The following CLCA4 variants were observed in gnomAD, a reference collection of about 807,000 sequenced individuals.
CLCA4 encodes the protein calcium-activated chloride channel regulator 4.
In CLCA4, 69 loss-of-function variants were observed where a neutral mutation model predicts 78.9. That is an observed-to-expected ratio of 0.87 (90% CI 0.72 to 1.07). The LOEUF is 1.07. Among genes scored for constraint, CLCA4 ranks in the 50% least tolerant of loss-of-function variants. CLCA4 has a pLI of 0.00. For synonymous variants in CLCA4, 362 were observed against 375.8 expected (o/e 0.96, Z 0.42); for missense variants, 1,133 against 1,095.8 (o/e 1.03, Z -0.48).
rs759759932 is a variant in CLCA4, at chr1:86,559,913, T to C, written c.160-19T>C. 10 of 1,574,486 alleles carry C rather than the reference T, an allele frequency of 6.4e-6. No homozygotes were observed. The South Asian group carries it at 1.2e-4, about 19-fold the overall frequency. On this transcript the variant is annotated intron_variant, in intron 1 of 13. Coordinates refer to ENST00000370563, the MANE Select transcript of CLCA4 (RefSeq NM_012128.4). Reference sequence around the variant, plus strand: ...ACTCTAACTTCACCATCCTCACATATTTTTTCCTTTAATGACAGGATATGG... The same window carrying C: ...ACTCTAACTTCACCATCCTCACATACTTTTTCCTTTAATGACAGGATATGG...
In CLCA4 at chr1:86,560,352, C is replaced by T. The variant is rs914179200; in HGVS notation, c.442C>T (p.Pro148Ser). 6 of 1,613,040 alleles carry T rather than the reference C, an allele frequency of 3.7e-6. No homozygotes were observed. Among genetic ancestry groups the T allele is most frequent in the Admixed American group, 1.7e-5 (1 of 59,776 alleles). ...LLGKKQNEYGPPGKLFVHEWA... is the reference protein window; with the variant it reads ...LLGKKQNEYGSPGKLFVHEWA... ...TGGAAAAAAACAAAATGAATATGGA[C>T]CACCAGGTAGAAATTTTGGTTAAAA... The change falls in exon 3 of 14, where the codon CCA (proline) becomes TCA (serine). Residue 148 changes from proline to serine, a missense_variant. Pro to Ser is a moderately conservative substitution (Grantham distance 74). Coordinates refer to ENST00000370563, the MANE Select transcript of CLCA4 (RefSeq NM_012128.4).
chr1:86,571,191 G>A lies in CLCA4; in HGVS notation c.1297G>A (p.Val433Ile). Reference sequence around the variant, plus strand: ...TGAAGTGAAACAAAGTGGGGCCATTGTTCATTTTATTGCTTTGGGAAGAGC... The same window carrying A: ...TGAAGTGAAACAAAGTGGGGCCATTATTCATTTTATTGCTTTGGGAAGAGC... ...IDEVKQSGAI[V>I]HFIALGRAAD... Residue 433 changes from valine to isoleucine, a missense_variant, in exon 8 of 14, where the codon GTT (valine) becomes ATT (isoleucine). Physicochemically the swap from Val to Ile is conservative, Grantham distance 29 (BLOSUM62 3). Coordinates refer to ENST00000370563, the MANE Select transcript of CLCA4 (RefSeq NM_012128.4). The A allele has an allele frequency of 1.2e-6, 2 of 1,613,016 alleles. No individual in the cohort carries two copies. The highest frequency in any genetic ancestry group is 1.3e-5 in the African/African-American group (1 of 74,984).
At chr1:86,555,181 C>G (rs1331703896) in intron 1 of CLCA4, among the ~76,000 whole-genome samples, 1 of 151,960 alleles carries the variant, frequency 6.6e-6, no homozygotes, top group South Asian at 2.1e-4. Flanking sequence ...GTTGATAGTT[C>G]CTTTTGCTGT....
chr1:86,578,474 G>A (rs868139854), intron 12 of CLCA4, among the ~76,000 whole-genome samples: 10 of 151,882 alleles, frequency 6.6e-5, no homozygotes, highest in African/African-American at 2.4e-4. Flanking sequence ...CCCTCAAGTA[G>A]GCCCTAGTGC....
chr1:86,572,129 A>C (rs1650366672), intron 8 of CLCA4, among the ~76,000 whole-genome samples: 1 of 151,978 alleles, frequency 6.6e-6, no homozygotes, highest in Non-Finnish European at 1.5e-5. Flanking sequence ...GAATACCTAA[A>C]TATAGCAGCT....
In CLCA4 at chr1:86,580,448, G is replaced by A. The variant is rs961029085; in HGVS notation, c.*103G>A. The A allele has an allele frequency of 6.4e-5, 57 of 891,368 alleles. No individual in the cohort carries two copies. The highest frequency in any genetic ancestry group is 3.6e-4 in the East Asian group (13 of 36,148). 55.2% of individuals were successfully genotyped at this position (891,368 alleles called of 1,614,324 possible). A position where few individuals can be genotyped will look rare whatever the true frequency, so the allele number is the denominator to read the frequency against. On this transcript the variant is annotated 3_prime_UTR_variant, in exon 14 of 14. Transcript: ENST00000370563. Reference sequence around the variant, plus strand: ...TTCTGAATCTTAAAATTCATCCCATGTGTGATCATAAACTCATAAAAATAA... The same window carrying A: ...TTCTGAATCTTAAAATTCATCCCATATGTGATCATAAACTCATAAAAATAA...
chr1:86,579,994 T>C lies in CLCA4; in HGVS notation c.2409T>C (p.Ser803=). The change falls in exon 14 of 14, where the codon AGT becomes AGC. Residue 803 remains serine (S), a synonymous_variant. Transcript: ENST00000370563. ...CAAGTATTCTTGATCTAAGAGACAG[T>C]TTTGATGATGCTCTTCAAGTAAATA... ...ISASILDLRD[S]FDDALQVNTT... is the part of the protein sequence containing the mutation. 2 of 1,607,134 alleles carry C rather than the reference T, an allele frequency of 1.2e-6. No homozygotes were observed. Among genetic ancestry groups the C allele is most frequent in the South Asian group, 2.2e-5 (2 of 90,256 alleles).
At chr1:86,568,934 G>T (rs150101121) in intron 7 of CLCA4, among the ~76,000 whole-genome samples, 1,855 of 152,070 alleles carry the variant, frequency 0.012, 23 homozygotes, top group Middle Eastern at 0.044. Flanking sequence ...TATCAGGTTT[G>T]TGACCCTAAA....
intron 5 of CLCA4, 24 bp from the exon 6 acceptor site, chr1:86,565,777 AT>A: frequency 7.4e-7 from 1 of 1,342,476 alleles, no homozygotes; most frequent in East Asian, 2.6e-5. Context: ...TATTAAAATT[AT>A]TTTTTATTTT....
intron 1 of CLCA4, among the ~76,000 whole-genome samples, chr1:86,554,017 G>T (rs1274932517): frequency 6.6e-6 from 1 of 152,096 alleles, no homozygotes; most frequent in Non-Finnish European, 1.5e-5. Context: ...GGGTTCAGGG[G>T]TACATGTGAA....
chr1:86,559,294 T>A (rs1198191311), intron 1 of CLCA4, among the ~76,000 whole-genome samples: 1 of 152,166 alleles, frequency 6.6e-6, no homozygotes, highest in Non-Finnish European at 1.5e-5. Context: ...TATGGGTTTT[T>A]TTTCATCACA....
At chr1:86,570,539 C>T (rs1650319822) in intron 7 of CLCA4, among the ~76,000 whole-genome samples, 1 of 152,042 alleles carries the variant, frequency 6.6e-6, no homozygotes, top group Non-Finnish European at 1.5e-5. Flanking sequence ...ATGAAAGTTG[C>T]ATAACAAAGT....
At chr1:86,573,011 C>T (rs1387311617) in intron 9 of CLCA4, 1 of 335,750 alleles carries the variant, frequency 3.0e-6, no homozygotes, top group African/African-American at 2.1e-5. Context: ...AAAAATGGAC[C>T]TTTTCCAAAA....
chr1:86,547,493 C>A (rs1412582125), intron 1 of CLCA4, among the ~76,000 whole-genome samples: 3 of 152,168 alleles, frequency 2.0e-5, no homozygotes, highest in Non-Finnish European at 4.4e-5. Flanking sequence ...CTTCTAGCTA[C>A]TTTGAAATAC....
chr1:86,552,716 A>C, intron 1 of CLCA4: 1 of 1,386,038 alleles, frequency 7.2e-7, no homozygotes. Flanking sequence ...CAAGCCCTCG[A>C]GCCCTTCACA....
chr1:86,550,869 T>C (rs1253174553), intron 1 of CLCA4, among the ~76,000 whole-genome samples: 4 of 149,664 alleles, frequency 2.7e-5, no homozygotes, highest in Non-Finnish European at 4.4e-5. Flanking sequence ...TCTCGATCTG[T>C]CCCCCAGGCT....
intron 11 of CLCA4, among the ~76,000 whole-genome samples, chr1:86,575,863 G>A (rs959351862): frequency 2.0e-5 from 3 of 151,994 alleles, no homozygotes; most frequent in Admixed American, 1.3e-4. Flanking sequence ...GGCCAAGGTG[G>A]GCAGATCACT....
chr1:86,578,128 T>C (rs1650580867), intron 12 of CLCA4, 56 bp downstream of exon 12: 1 of 1,478,032 alleles, frequency 6.8e-7, no homozygotes, highest in Admixed American at 2.1e-5. Flanking sequence ...ATTAGTGATT[T>C]GATATAATTA....
At position 86,580,377 on chromosome 1, in the gene CLCA4, C is replaced by T. The variant is rs1650681559; in HGVS notation, c.*32C>T. 1.4e-6 allele frequency: 2 copies of T among 1,479,184 alleles called. No individual in the cohort carries two copies. Among genetic ancestry groups the T allele is most frequent in the African/African-American group, 2.8e-5 (2 of 71,032 alleles). The allele number at this position is 1,479,184 out of a possible 1,614,324, so 91.6% of individuals were successfully genotyped here. A position where few individuals can be genotyped will look rare whatever the true frequency, so the allele number is the denominator to read the frequency against. ...ACGAAGAAAAAAATCTTCAAGTAGACCTAGAAGAGAGTTTTAAAAAACAAA... is the reference window on the plus strand; with the variant it reads ...ACGAAGAAAAAAATCTTCAAGTAGATCTAGAAGAGAGTTTTAAAAAACAAA... On this transcript the variant is annotated 3_prime_UTR_variant, in exon 14 of 14. Coordinates refer to ENST00000370563, the MANE Select transcript of CLCA4 (RefSeq NM_012128.4).
Sources: gnomAD v4.1 joint callset for allele counts (sites outside exome capture counted in the v4.1 genomes callset) on GRCh38, gnomAD v4.1.1 for gene constraint, MANE v1.5 for transcripts, NCBI Gene and HGNC (gene_info 2026-07-23, HGNC 2026-07-21) for gene names.